ZFPM2: variants seen among roughly 807,000 people sequenced by gnomAD.
ZFPM2 encodes the protein zinc finger protein ZFPM2.
Under a neutral mutation model 98.6 loss-of-function variants are expected in ZFPM2, and 20 were observed. The ratio of observed to expected loss-of-function variants is 0.20; its 90% CI spans 0.14 to 0.29. The LOEUF is 0.29. ZFPM2 is among the 10% of genes least tolerant of loss of function. The pLI, the probability that ZFPM2 is intolerant of heterozygous loss-of-function variation, is 1.00. For synonymous variants in ZFPM2, 518 were observed against 502.7 expected (o/e 1.03, Z -0.41); for missense variants, 1,310 against 1,388.6 (o/e 0.94, Z 0.90).
intron 3 of ZFPM2, among the ~76,000 whole-genome samples, chr8:105,547,568 A>AAAAAAAAAAAAAT (rs1554616003): frequency 6.9e-6 from 1 of 144,082 alleles, no homozygotes; most frequent in African/African-American, 2.6e-5. Context: ...AAAAAAAAAA[A>AAAAAAAAAAAAAT]AGAAATCAGA....
intron 5 of ZFPM2, among the ~76,000 whole-genome samples, chr8:105,694,847 A>G (rs1371755953): frequency 6.6e-6 from 1 of 152,152 alleles, no homozygotes; most frequent in African/African-American, 2.4e-5. Flanking sequence ...ATTTCTTTAC[A>G]TTAAGAACAA....
intron 1 of ZFPM2, among the ~76,000 whole-genome samples, chr8:105,352,825 ATGCC>A (rs920677380): frequency 2.0e-5 from 3 of 151,974 alleles, no homozygotes; most frequent in Non-Finnish European, 2.9e-5. Context: ...CCTTATCTGT[ATGCC>A]TGCCTGCCTG....
In ZFPM2 at chr8:105,757,949, C is replaced by T. The variant is rs73700143; in HGVS notation, c.533-30769C>T. ...CTCCCAAAGCTTTTATAACCATATC[C>T]ACATGAAACTCCAAAGATGAATGCC... On this transcript the variant is annotated intron_variant, in intron 5 of 7. Transcript: ENST00000407775. 3.6e-3 allele frequency among the ~76,000 whole-genome samples: 550 copies of T among 152,150 alleles called. 3 individuals carry two copies. Among genetic ancestry groups the T allele is most frequent in the African/African-American group, 0.012 (511 of 41,520 alleles).
intron 4 of ZFPM2, among the ~76,000 whole-genome samples, chr8:105,597,620 A>G (rs1815998748): frequency 6.6e-6 from 1 of 152,114 alleles, no homozygotes; most frequent in African/African-American, 2.4e-5. Flanking sequence ...ATTGTTTTTC[A>G]TCATATTTAA....
intron 4 of ZFPM2, among the ~76,000 whole-genome samples, chr8:105,610,709 G>T (rs1816292725): frequency 6.6e-6 from 1 of 152,106 alleles, no homozygotes; most frequent in African/African-American, 2.4e-5. Context: ...GAGTGGACCA[G>T]TGACACTAAA....
chr8:105,727,529 GTTTTAAC>G (rs1263334649), intron 5 of ZFPM2, among the ~76,000 whole-genome samples: 1 of 151,662 alleles, frequency 6.6e-6, no homozygotes, highest in African/African-American at 2.4e-5. Context: ...GCAACCAGTA[GTTTTAAC>G]CTGTTCTCTC....
At chr8:105,501,196 T>C (rs1400364477) in intron 3 of ZFPM2, among the ~76,000 whole-genome samples, 1 of 151,596 alleles carries the variant, frequency 6.6e-6, no homozygotes, top group Non-Finnish European at 1.5e-5. Context: ...TTTTTTTTTT[T>C]TTTTGAGATG....
chr8:105,638,560 G>T (rs964692145), intron 5 of ZFPM2, among the ~76,000 whole-genome samples: 1 of 152,092 alleles, frequency 6.6e-6, no homozygotes, highest in Non-Finnish European at 1.5e-5. Flanking sequence ...GGCTATCTGA[G>T]AACATATCAG....
chr8:105,725,209 A>G (rs1811779153), intron 5 of ZFPM2, among the ~76,000 whole-genome samples: 1 of 151,852 alleles, frequency 6.6e-6, no homozygotes, highest in East Asian at 2.0e-4. Flanking sequence ...TATTCCTTTC[A>G]GTTTTATCCA....
intron 5 of ZFPM2, among the ~76,000 whole-genome samples, chr8:105,785,616 ACTC>A (rs779252147): frequency 4.5e-4 from 68 of 152,066 alleles, no homozygotes; most frequent in Non-Finnish European, 6.8e-4. Flanking sequence ...CAAAGAAAGA[ACTC>A]CTGGCTGGAC....
At chr8:105,537,455 G>A (rs1469307929) in intron 3 of ZFPM2, among the ~76,000 whole-genome samples, 14 of 152,040 alleles carry the variant, frequency 9.2e-5, no homozygotes, top group Non-Finnish European at 1.5e-4. Context: ...GTGAAAGGAC[G>A]GCTTGAGGCC....
chr8:105,758,404 C>T (rs962259419), intron 5 of ZFPM2, among the ~76,000 whole-genome samples: 1 of 152,056 alleles, frequency 6.6e-6, no homozygotes, highest in African/African-American at 2.4e-5. Flanking sequence ...TATATAATAG[C>T]TTGGCTAAGT....
At chr8:105,493,762 G>A (rs1181013175) in intron 3 of ZFPM2, among the ~76,000 whole-genome samples, 1 of 152,086 alleles carries the variant, frequency 6.6e-6, no homozygotes, top group East Asian at 1.9e-4. Flanking sequence ...CATATCTTAT[G>A]TTGCTTCTAA....
intron 1 of ZFPM2, among the ~76,000 whole-genome samples, chr8:105,412,536 A>T (rs1249805091): frequency 6.6e-6 from 1 of 151,818 alleles, no homozygotes; most frequent in Non-Finnish European, 1.5e-5. Context: ...TGCAGGCAAC[A>T]AATGTAAATG....
intron 1 of ZFPM2, among the ~76,000 whole-genome samples, chr8:105,343,511 T>G (rs998217848): frequency 2.0e-5 from 3 of 152,094 alleles, no homozygotes; most frequent in Non-Finnish European, 4.4e-5. Flanking sequence ...GAAAAGGAAT[T>G]AGCTTTCTTC....
intron 1 of ZFPM2, among the ~76,000 whole-genome samples, chr8:105,413,734 T>C (rs1321604920): frequency 6.6e-6 from 1 of 151,756 alleles, no homozygotes; most frequent in Non-Finnish European, 1.5e-5. Flanking sequence ...TTGATTAAGA[T>C]CTTGAGAAAT....
chr8:105,634,419 G>A, intron 5 of ZFPM2, 62 bp downstream of exon 5: 2 of 1,284,056 alleles, frequency 1.6e-6, no homozygotes, highest in South Asian at 1.3e-5. Flanking sequence ...TTGCAAAACA[G>A]CACCAGAAGA....
chr8:105,634,577 G>GTTCC (rs1816812761), intron 5 of ZFPM2, among the ~76,000 whole-genome samples: 1 of 151,630 alleles, frequency 6.6e-6, no homozygotes, highest in Non-Finnish European at 1.5e-5. Flanking sequence ...AATTTACTTA[G>GTTCC]TGCCTTATAC....
intron 3 of ZFPM2, among the ~76,000 whole-genome samples, chr8:105,506,504 G>T (rs1222208949): frequency 6.6e-6 from 1 of 152,012 alleles, no homozygotes; most frequent in African/African-American, 2.4e-5. Flanking sequence ...AACCAACCTT[G>T]CTCAAAGATA....
Sources: gnomAD v4.1 joint callset for allele counts (sites outside exome capture counted in the v4.1 genomes callset) on GRCh38, gnomAD v4.1.1 for gene constraint, MANE v1.5 for transcripts, NCBI Gene and HGNC (gene_info 2026-07-23, HGNC 2026-07-21) for gene names.